The following MACF1 variants were observed in gnomAD, a reference collection of about 807,000 sequenced individuals.
The protein encoded by MACF1 is microtubule actin crosslinking factor 1.
A neutral mutation model predicts 854.8 loss-of-function variants in MACF1; 193 were observed. The observed-to-expected ratio is 0.23, with a 90% CI of 0.20 to 0.25. The LOEUF (loss-of-function observed/expected upper bound fraction) is 0.25. MACF1 is among the 10% of genes least tolerant of loss of function. The pLI, the probability that MACF1 is intolerant of heterozygous loss-of-function variation, is 1.00. For missense variants in MACF1, 7,722 were observed against 8,929.1 expected (o/e 0.86, Z 5.45); for synonymous variants, 3,185 against 3,226.7 (o/e 0.99, Z 0.44).
At chr1:39,388,687 T>C in intron 58 of MACF1, 29 bp downstream of exon 58, 1 of 1,510,938 alleles carries the variant, frequency 6.6e-7, no homozygotes, top group Non-Finnish European at 8.8e-7. Flanking sequence ...TTTCTTTTTC[T>C]TTTACATGTA....
chr1:39,298,292 T>A (rs1029000950), intron 21 of MACF1, among the ~76,000 whole-genome samples: 8 of 152,224 alleles, frequency 5.3e-5, no homozygotes, highest in African/African-American at 1.9e-4. Flanking sequence ...TATGAAGCAA[T>A]ATTAATTTTT....
intron 2 of MACF1, among the ~76,000 whole-genome samples, chr1:39,121,742 C>T (rs1361379671): frequency 6.6e-6 from 1 of 152,178 alleles, no homozygotes; most frequent in Non-Finnish European, 1.5e-5. Flanking sequence ...GCCACCGCGC[C>T]AGGCCAGTCT....
At chr1:39,159,152 A>G (rs535913344) in intron 2 of MACF1, among the ~76,000 whole-genome samples, 1 of 152,360 alleles carries the variant, frequency 6.6e-6, no homozygotes, top group African/African-American at 2.4e-5. Context: ...CGTTTAGGCA[A>G]TTAAACAGAA....
At chr1:39,209,430 A>G (rs1644490718) in intron 1 of MACF1, among the ~76,000 whole-genome samples, 1 of 152,126 alleles carries the variant, frequency 6.6e-6, no homozygotes, top group African/African-American at 2.4e-5. Flanking sequence ...TCACATTGTG[A>G]TAGTGTAAAC....
chr1:39,415,573 G>T (rs542098179), intron 58 of MACF1, among the ~76,000 whole-genome samples: 3 of 150,604 alleles, frequency 2.0e-5, no homozygotes, highest in Non-Finnish European at 4.4e-5. Context: ...GTGTTAGCCA[G>T]GATGGTCTCA....
At chr1:39,121,216 G>A (rs1282817870) in intron 2 of MACF1, among the ~76,000 whole-genome samples, 4 of 152,296 alleles carry the variant, frequency 2.6e-5, no homozygotes, top group Admixed American at 2.6e-4. Flanking sequence ...GGCATGGAAA[G>A]GCACAATAAC....
chr1:39,116,267 G>C (rs1301927989), intron 2 of MACF1, among the ~76,000 whole-genome samples: 1 of 152,176 alleles, frequency 6.6e-6, no homozygotes, highest in East Asian at 1.9e-4. Context: ...GATTAAGTTG[G>C]TTGGTTAGAG....
At position 39,158,660 on chromosome 1, in the gene MACF1, A is replaced by AAGGTGGCAGATG. The variant is rs373208649; in HGVS notation, c.221-72508_221-72497dup. 8.5e-5 allele frequency among the ~76,000 whole-genome samples: 13 copies of AAGGTGGCAGATG among 152,206 alleles called. No homozygotes were observed. In the East Asian group the frequency reaches 2.5e-3, roughly 29 times the overall value. ...GGAGCCTGGGCTGGGGTCTAGAGAG[A>AAGGTGGCAGATG]AGGTGGCAGATGAGGTGGCAGATGA... On this transcript the variant is annotated intron_variant, in intron 2 of 93. Coordinates refer to the MACF1 transcript ENST00000361689.
In MACF1 at chr1:39,485,605, C is replaced by T. The variant is rs1189341421; in HGVS notation, c.22479C>T (p.Ser7493=). The T allele has an allele frequency of 1.2e-6, 2 of 1,614,082 alleles. No homozygotes were observed. Among genetic ancestry groups the T allele is most frequent in the South Asian group, 2.2e-5 (2 of 91,080 alleles). Residue 7493 remains serine, a synonymous_variant, in exon 101 of 101, where the codon AGC becomes AGT. Transcript: ENST00000564288. ...GTCGAGCCGGGAGTCGAGCCAGCAG[C>T]CGGCGAGGAAGTGACGCTTCTGACT... The part of the protein sequence containing the change: ...AGSRAGSRAS[S]RRGSDASDFD...
At chr1:39,452,410 T>A (rs1644357515) in intron 86 of MACF1, 60 bp downstream of exon 86, 4 of 1,503,238 alleles carry the variant, frequency 2.7e-6, no homozygotes. Flanking sequence ...ATTTGGTTTT[T>A]CTTTTACTAG....
At chr1:39,262,811 C>T (rs558435329) in intron 6 of MACF1, among the ~76,000 whole-genome samples, 14 of 152,198 alleles carry the variant, frequency 9.2e-5, no homozygotes, top group African/African-American at 1.4e-4. Flanking sequence ...GTGGGAGCAC[C>T]GCTCCCAGAA....
intron 40 of MACF1, among the ~76,000 whole-genome samples, chr1:39,345,755 T>C (rs896225839): frequency 5.3e-5 from 8 of 152,146 alleles, no homozygotes; most frequent in African/African-American, 1.9e-4. Context: ...AAATTCATGT[T>C]ATACTTTGCA....
intron 6 of MACF1, among the ~76,000 whole-genome samples, chr1:39,264,954 G>A (rs555664235): frequency 6.6e-6 from 1 of 152,140 alleles, no homozygotes; most frequent in African/African-American, 2.4e-5. Flanking sequence ...GATTACAGGC[G>A]TGAGCCACCG....
At chr1:39,298,901 G>A (rs1350894647) in intron 21 of MACF1, among the ~76,000 whole-genome samples, 1 of 151,962 alleles carries the variant, frequency 6.6e-6, no homozygotes, top group Non-Finnish European at 1.5e-5. Flanking sequence ...TTCTCTTCTC[G>A]AGGGTCGCTG....
At chr1:39,208,122 G>T (rs1484131184) in intron 1 of MACF1, among the ~76,000 whole-genome samples, 1 of 144,154 alleles carries the variant, frequency 6.9e-6, no homozygotes, top group Non-Finnish European at 1.5e-5. Context: ...AGCAGAATGA[G>T]AGTCCGTCTC....
chr1:39,254,574 C>A, intron 5 of MACF1, 199 bp downstream of exon 5: 1 of 505,780 alleles, frequency 2.0e-6, no homozygotes, highest in Non-Finnish European at 3.5e-6. Context: ...CTTGTGACCT[C>A]CTTGAGAGGA....
chr1:39,216,327 C>T (rs1644576932), intron 1 of MACF1, among the ~76,000 whole-genome samples: 1 of 152,170 alleles, frequency 6.6e-6, no homozygotes, highest in Non-Finnish European at 1.5e-5. Context: ...AAAGTGACAA[C>T]TTCTGTTAGG....
In MACF1 at chr1:39,349,479, C is replaced by A. The variant is rs1457449286; in HGVS notation, c.10817C>A (p.Thr3606Asn). 1 of 1,611,184 alleles carries A rather than the reference C, an allele frequency of 6.2e-7. No homozygotes were observed. Among genetic ancestry groups the A allele is most frequent in the Non-Finnish European group, 8.5e-7 (1 of 1,178,928 alleles). ...QQMEQEALVK[T>N]LQKQQNTCHQ... ...TTGACCCCTTTGCATTTTAATTAGA[C>A]CCTGCAGAAACAACAAAATACCTGT... Residue 3606 changes from threonine to asparagine, a missense_variant and splice_region_variant, in exon 42 of 101, where the codon ACC (threonine) becomes AAC (asparagine). Coordinates refer to ENST00000564288, the MANE Select transcript of MACF1 (RefSeq NM_001394062.1).
intron 26 of MACF1, 75 bp from the exon 27 acceptor site, chr1:39,315,438 T>C: frequency 7.1e-7 from 1 of 1,401,560 alleles, no homozygotes; most frequent in Non-Finnish European, 9.9e-7. Context: ...TATTTAGCTA[T>C]TACAAATGTG....
Sources: gnomAD v4.1 joint callset for allele counts (sites outside exome capture counted in the v4.1 genomes callset) on GRCh38, gnomAD v4.1.1 for gene constraint, MANE v1.5 for transcripts, NCBI Gene and HGNC (gene_info 2026-07-23, HGNC 2026-07-21) for gene names.